IARS1: variants seen among roughly 807,000 people sequenced by gnomAD.
IARS1 encodes isoleucine--tRNA ligase, cytoplasmic.
A neutral mutation model predicts 168.2 loss-of-function variants in IARS1; 124 were observed. That is an observed-to-expected ratio of 0.74 (90% CI 0.64 to 0.86). The LOEUF is 0.86. IARS1 is among the 40% of genes least tolerant of loss of function. The pLI is 0.00. For synonymous variants in IARS1, 532 were observed against 529.4 expected, an observed-to-expected ratio of 1.00 and a Z score of -0.07; for missense variants, 1,452 against 1,515.8, an observed-to-expected ratio of 0.96 and a Z score of 0.70.
intron 30 of IARS1, among the ~76,000 whole-genome samples, chr9:92,237,169 T>C (rs1827669931): frequency 6.6e-6 from 1 of 152,208 alleles, no homozygotes; most frequent in Non-Finnish European, 1.5e-5. Flanking sequence ...CCATCTTTCT[T>C]TCAGTTTTTA....
intron 27 of IARS1, 63 bp from the exon 28 acceptor site, chr9:92,243,374 A>G (rs1298050239): frequency 7.1e-6 from 8 of 1,122,618 alleles, no homozygotes; most frequent in Non-Finnish European, 1.1e-5. Context: ...TTCCCAACTC[A>G]GCAAAATGTT....
intron 27 of IARS1, among the ~76,000 whole-genome samples, chr9:92,244,406 G>C (rs1354601940): frequency 1.3e-5 from 2 of 152,100 alleles, no homozygotes; most frequent in Non-Finnish European, 2.9e-5. Context: ...AGGGACCCCT[G>C]CAATATCCCC....
At chr9:92,233,372 G>T (rs932529972) in intron 30 of IARS1, among the ~76,000 whole-genome samples, 33 of 152,148 alleles carry the variant, frequency 2.2e-4, no homozygotes, top group African/African-American at 7.7e-4. Context: ...GTCATCCAAC[G>T]ATAGTTAATT....
At chr9:92,252,001 C>G in intron 21 of IARS1, 116 bp from the exon 22 acceptor site, 1 of 763,070 alleles carries the variant, frequency 1.3e-6, no homozygotes, top group Non-Finnish European at 2.2e-6. Context: ...ACAGACAAGA[C>G]ATGAGACAGA....
At position 92,210,684 on chromosome 9, in the gene IARS1, A is replaced by G. The variant is rs1058726; in HGVS notation, c.*123T>C. On this transcript the variant is annotated 3_prime_UTR_variant, in exon 34 of 34. Coordinates refer to ENST00000443024, the MANE Select transcript of IARS1 (RefSeq NM_002161.6). ...CCATTTGAATTTCAATCCAAGCAGC[A>G]TATTTTACACACACCTGAAGGAAAT... 81,283 of 645,974 alleles carry G rather than the reference A, an allele frequency of 0.13. 5,795 individuals carry two copies. The highest frequency in any genetic ancestry group is 0.21 in the South Asian group (10,575 of 50,158). The allele number at this position is 645,974 out of a possible 1,614,324, so 40.0% of individuals were successfully genotyped here. A position where few individuals can be genotyped will look rare whatever the true frequency, so the allele number is the denominator to read the frequency against.
At chr9:92,223,008 A>T (rs547739538) in intron 32 of IARS1, among the ~76,000 whole-genome samples, 1 of 152,324 alleles carries the variant, frequency 6.6e-6, no homozygotes, top group African/African-American at 2.4e-5. Flanking sequence ...AATCACTATC[A>T]ATCTAGTCTG....
intron 19 of IARS1, among the ~76,000 whole-genome samples, chr9:92,257,515 C>T (rs556241902): frequency 1.3e-5 from 2 of 152,306 alleles, no homozygotes; most frequent in East Asian, 1.9e-4. Context: ...ACTGTTTGCC[C>T]TACTTGGCAG....
In IARS1 at chr9:92,243,317, G is replaced by A. The variant is rs770298598; in HGVS notation, c.2905-6C>T. 21 of 1,583,748 alleles carry A rather than the reference G, an allele frequency of 1.3e-5. No homozygotes were observed. The highest frequency in any genetic ancestry group is 1.6e-5 in the Non-Finnish European group (19 of 1,152,458). Reference sequence around the variant, plus strand: ...ACATCTAAGAGGACCAAAGCCTGTGGGAATGAACAGTGCACACCATGACAA... The same window carrying A: ...ACATCTAAGAGGACCAAAGCCTGTGAGAATGAACAGTGCACACCATGACAA... On this transcript the variant is annotated splice_polypyrimidine_tract_variant and splice_region_variant and intron_variant, in intron 27 of 33. Coordinates refer to ENST00000443024, the MANE Select transcript of IARS1 (RefSeq NM_002161.6).
chr9:92,230,230 C>A (rs1170247895), intron 30 of IARS1, among the ~76,000 whole-genome samples: 1 of 152,050 alleles, frequency 6.6e-6, no homozygotes, highest in Non-Finnish European at 1.5e-5. Flanking sequence ...CCTGTTTCAA[C>A]CTCCCAAGTA....
At chr9:92,242,501 A>C in intron 28 of IARS1, 171 bp from the exon 29 acceptor site, 5 of 582,472 alleles carry the variant, frequency 8.6e-6, no homozygotes, top group East Asian at 5.6e-5. Context: ...TCAGTACATG[A>C]TTAACTTTGT....
At chr9:92,251,206 A>G (rs1300874887) in intron 22 of IARS1, 1 of 461,120 alleles carries the variant, frequency 2.2e-6, no homozygotes, top group African/African-American at 2.0e-5. Context: ...TGATGAGATC[A>G]GGCATGGAGA....
Position 92,250,846 on chromosome 9 carries a change from CACAGG to C in IARS1, c.2308-17_2308-13del. The C allele has an allele frequency of 6.3e-7, 1 of 1,591,288 alleles. No individual in the cohort carries two copies. The highest frequency in any genetic ancestry group is 8.5e-7 in the Non-Finnish European group (1 of 1,170,328). ...GGTGTGTAGGGAGCCTGTATGAAGA[CACAGG>C]ACATCATGTCAGTTATATGCAGTCA... On this transcript the variant is annotated splice_polypyrimidine_tract_variant and intron_variant, in intron 22 of 33. Transcript: ENST00000443024.
chr9:92,257,977 AAAGT>A (rs1830967610), intron 19 of IARS1, among the ~76,000 whole-genome samples: 1 of 152,156 alleles, frequency 6.6e-6, no homozygotes, highest in Non-Finnish European at 1.5e-5. Context: ...CTCAGGTGAG[AAAGT>A]AACTCCTGGG....
At position 92,210,660 on chromosome 9, in the gene IARS1, C is replaced by A; in HGVS notation, c.*147G>T. 1.7e-6 allele frequency: 1 copy of A among 588,934 alleles called. No homozygotes were observed. The highest frequency in any genetic ancestry group is 3.1e-6 in the Non-Finnish European group (1 of 320,020). The allele number at this position is 588,934 out of a possible 1,614,324, so 36.5% of individuals were successfully genotyped here. On this transcript the variant is annotated 3_prime_UTR_variant, in exon 34 of 34. Transcript: ENST00000443024. ...CTCAAGTTACTTGACTAATCAATCCCATTTGAATTTCAATCCAAGCAGCAT... is the reference window on the plus strand; with the variant it reads ...CTCAAGTTACTTGACTAATCAATCCAATTTGAATTTCAATCCAAGCAGCAT...
chr9:92,255,820 T>C (rs1830636918), intron 20 of IARS1, among the ~76,000 whole-genome samples: 1 of 151,966 alleles, frequency 6.6e-6, no homozygotes, highest in South Asian at 2.1e-4. Flanking sequence ...GATGGCACAA[T>C]GGGGTGATTT....
chr9:92,256,161 CT>C (rs1385167367), intron 20 of IARS1, among the ~76,000 whole-genome samples: 1 of 151,538 alleles, frequency 6.6e-6, no homozygotes, highest in Admixed American at 6.6e-5. Flanking sequence ...AGGACACCCC[CT>C]AAAGACAGAA....
At chr9:92,289,040 C>T (rs1316208379) in intron 2 of IARS1, among the ~76,000 whole-genome samples, 1 of 151,854 alleles carries the variant, frequency 6.6e-6, no homozygotes, top group Non-Finnish European at 1.5e-5. Context: ...GAAACCCCGT[C>T]TCTACTAAAA....
chr9:92,224,257 A>G (rs1825281111), intron 31 of IARS1, among the ~76,000 whole-genome samples: 1 of 152,160 alleles, frequency 6.6e-6, no homozygotes, highest in South Asian at 2.1e-4. Context: ...GTAGACAATT[A>G]CAGTCTTAAC....
At position 92,253,620 on chromosome 9, in the gene IARS1, G is replaced by A. The variant is rs1208921242; in HGVS notation, c.2138-167C>T. On this transcript the variant is annotated intron_variant, in intron 20 of 33. Coordinates refer to ENST00000443024, the MANE Select transcript of IARS1 (RefSeq NM_002161.6). ...CAATCACATAATGACTGTTTGTTGA[G>A]GATGTGCTACATGGCAGTCAGAGTG... 2.6e-5 allele frequency among the ~76,000 whole-genome samples: 4 copies of A among 152,172 alleles called. No individual in the cohort carries two copies. In the East Asian group the frequency reaches 7.7e-4, roughly 29 times the overall value.
Sources: allele counts gnomAD v4.1 joint callset (sites outside exome capture counted in the v4.1 genomes callset), GRCh38; gene constraint gnomAD v4.1.1; transcripts MANE v1.5; gene names NCBI Gene and HGNC (gene_info 2026-07-23, HGNC 2026-07-21).